The following GRIA3 variants were observed in gnomAD, a reference collection of about 807,000 sequenced individuals.
GRIA3 encodes glutamate receptor 3.
In GRIA3, 3 loss-of-function variants were observed where a neutral mutation model predicts 63.0. The observed-to-expected ratio is 0.05, with a 90% CI of 0.02 to 0.12. GRIA3 has a LOEUF of 0.12. Among genes scored for constraint, GRIA3 ranks in the 10% least tolerant of loss-of-function variants. The pLI, the probability that GRIA3 is intolerant of heterozygous loss-of-function variation, is 1.00. For synonymous variants in GRIA3, 274 were observed against 257.9 expected, an observed-to-expected ratio of 1.06 and a Z score of -0.60; for missense variants, 347 against 700.9, an observed-to-expected ratio of 0.50 and a Z score of 5.70.
chrX:123,465,610 T>C (rs2045829651), intron 13 of GRIA3: 7 of 894,836 alleles, frequency 7.8e-6, no homozygotes, highest in South Asian at 2.0e-5. Flanking sequence ...TGCTCCTTTT[T>C]ATACGTTAAC....
intron 12 of GRIA3, among the ~76,000 whole-genome samples, chrX:123,429,107 G>A (rs1432287012): frequency 8.9e-6 from 1 of 111,790 alleles, no homozygotes; most frequent in Non-Finnish European, 1.9e-5. Flanking sequence ...GGAGTAGTTA[G>A]TCACTCTCTC....
chrX:123,355,583 C>A (rs1202082325), intron 5 of GRIA3, among the ~76,000 whole-genome samples: 1 of 111,993 alleles, frequency 8.9e-6, no homozygotes, highest in African/African-American at 3.2e-5. Context: ...TAGGAATTAA[C>A]AAAATTGCTT....
intron 1 of GRIA3, 48 bp from the exon 2 acceptor site, chrX:123,185,784 C>G: frequency 8.9e-7 from 1 of 1,127,508 alleles, no homozygotes; most frequent in South Asian, 1.8e-5. Context: ...CCTAACTGGC[C>G]CTAGTGTGGG....
chrX:123,274,406 G>T (rs897988815), intron 3 of GRIA3, among the ~76,000 whole-genome samples: 1 of 111,586 alleles, frequency 9.0e-6, no homozygotes, highest in Non-Finnish European at 1.9e-5. Context: ...CAATGAGAAA[G>T]AAAAAGCGAA....
chrX:123,226,050 G>C (rs185547094), intron 2 of GRIA3, among the ~76,000 whole-genome samples: 2 of 111,450 alleles, frequency 1.8e-5, no homozygotes, highest in Non-Finnish European at 3.8e-5. Flanking sequence ...CCTATTTGCT[G>C]AGACAAGACA....
intron 4 of GRIA3, among the ~76,000 whole-genome samples, chrX:123,348,763 T>C (rs919253793): frequency 8.9e-6 from 1 of 112,241 alleles, no homozygotes; most frequent in African/African-American, 3.2e-5. Flanking sequence ...TTTCCAGATT[T>C]TTTACACAGT....
chrX:123,430,148 A>G (rs769974532), intron 12 of GRIA3, among the ~76,000 whole-genome samples: 14 of 112,309 alleles, frequency 1.2e-4, no homozygotes, highest in Non-Finnish European at 2.1e-4. Flanking sequence ...ATCAACATTT[A>G]ATTCTGAGCA....
At position 123,345,439 on chromosome X, in the gene GRIA3, AACACACACACAC is replaced by A. The variant is rs59142587; in HGVS notation, c.697-9426_697-9415del. Among the ~76,000 whole-genome samples, 488 of 65,866 alleles carry A rather than the reference AACACACACACAC, an allele frequency of 7.4e-3. 4 individuals carry two copies. The highest frequency in any genetic ancestry group is 0.016 in the African/African-American group (246 of 15,177). The allele number at this position is 65,866 out of a possible 115,157, so 57.2% of individuals were successfully genotyped here. ...TCTCTGAGTGGGAGCCCCCCTTCAC[AACACACACACAC>A]ACACACACACACACACACACACACA... is the stretch of plus-strand genomic sequence containing the variant. On this transcript the variant is annotated intron_variant, in intron 4 of 15. Transcript: ENST00000620443.
intron 11 of GRIA3, among the ~76,000 whole-genome samples, chrX:123,424,488 G>A (rs1040220411): frequency 8.9e-6 from 1 of 111,832 alleles, no homozygotes. Context: ...GTTTTGAGGC[G>A]AGAATGTTGA....
At chrX:123,352,423 C>T (rs912267429) in intron 4 of GRIA3, among the ~76,000 whole-genome samples, 22 of 112,419 alleles carry the variant, frequency 2.0e-4, no homozygotes, top group Non-Finnish European at 3.9e-4. Flanking sequence ...CCCAGCAACA[C>T]TTCTGATATA....
rs147632231 is a variant in GRIA3 at position 123,400,876 on chromosome X, A to G, written c.1080+2073A>G. Among the ~76,000 whole-genome samples the G allele has an allele frequency of 8.9e-5, 10 of 112,243 alleles. No individual in the cohort carries two copies. In the East Asian group the frequency reaches 2.8e-3, roughly 31 times the overall value. On this transcript the variant is annotated intron_variant, in intron 7 of 15. Transcript: ENST00000620443. Reference sequence around the variant, plus strand: ...CTCCTCACAATCTGCAAATAATGCAAAGATCAGCCCAGCACAGTCTACTGA... The same window carrying G: ...CTCCTCACAATCTGCAAATAATGCAGAGATCAGCCCAGCACAGTCTACTGA...
chrX:123,273,444 A>G (rs1366474369), intron 3 of GRIA3, among the ~76,000 whole-genome samples: 1 of 112,269 alleles, frequency 8.9e-6, no homozygotes, highest in East Asian at 2.8e-4. Context: ...CTTAAAAATG[A>G]AGAAATAAAA....
intron 2 of GRIA3, among the ~76,000 whole-genome samples, chrX:123,206,952 C>A (rs187002117): frequency 1.8e-5 from 2 of 111,627 alleles, no homozygotes; most frequent in Admixed American, 1.9e-4. Flanking sequence ...TGCTAATTTG[C>A]TACTTTATTT....
At chrX:123,454,379 A>G (rs1322339448) in intron 12 of GRIA3, among the ~76,000 whole-genome samples, 1 of 112,041 alleles carries the variant, frequency 8.9e-6, no homozygotes, top group Non-Finnish European at 1.9e-5. Flanking sequence ...TGTGAGAATT[A>G]CATGAGTTAA....
At chrX:123,404,674 G>T in intron 9 of GRIA3, 34 bp from the exon 10 acceptor site, 1 of 990,850 alleles carries the variant, frequency 1.0e-6, no homozygotes, top group Non-Finnish European at 1.4e-6. Context: ...AAATGTATAG[G>T]AGTAATCCTT....
At chrX:123,340,790 C>A (rs2045003740) in intron 4 of GRIA3, among the ~76,000 whole-genome samples, 1 of 112,073 alleles carries the variant, frequency 8.9e-6, no homozygotes, top group African/African-American at 3.2e-5. Context: ...CAGGAGCTCT[C>A]TAGGGAGACT....
intron 2 of GRIA3, among the ~76,000 whole-genome samples, chrX:123,211,816 T>C (rs1928048870): frequency 9.0e-6 from 1 of 111,619 alleles, no homozygotes; most frequent in Non-Finnish European, 1.9e-5. Flanking sequence ...TCGCTCTTTC[T>C]TCGTCTCCTT....
chrX:123,428,185 A>G (rs772827880), intron 12 of GRIA3, 46 bp downstream of exon 12: 10 of 881,794 alleles, frequency 1.1e-5, no homozygotes, highest in African/African-American at 2.0e-5. Flanking sequence ...TTATTTTATC[A>G]TCTTCTCACA....
At chrX:123,463,682 A>C (rs190841373) in intron 12 of GRIA3, among the ~76,000 whole-genome samples, 1 of 40,707 alleles carries the variant, frequency 2.5e-5, no homozygotes, top group African/African-American at 1.6e-4. Context: ...GAAAGAAAGA[A>C]AGAGAGAGAA....
Sources: gnomAD v4.1 joint callset for allele counts (sites outside exome capture counted in the v4.1 genomes callset) on GRCh38, gnomAD v4.1.1 for gene constraint, MANE v1.5 for transcripts, NCBI Gene and HGNC (gene_info 2026-07-23, HGNC 2026-07-21) for gene names.